The following GRAMD4 variants were observed in gnomAD, a reference collection of about 807,000 sequenced individuals.
GRAMD4 encodes the protein GRAM domain containing 4, also known as GRAM domain-containing protein 4.
In GRAMD4, 25 loss-of-function variants were observed where a neutral mutation model predicts 83.9. The ratio of observed to expected loss-of-function variants is 0.30; its 90% CI spans 0.22 to 0.42. The LOEUF (loss-of-function observed/expected upper bound fraction) is 0.42. GRAMD4 is among the 10% of genes least tolerant of loss of function. The probability of loss-of-function intolerance (pLI) is 1.00; values close to 1 mark genes in which losing one functional copy is unlikely to be tolerated. For synonymous variants in GRAMD4, 336 were observed against 320.9 expected (o/e 1.05, Z -0.50); for missense variants, 593 against 788.7 (o/e 0.75, Z 2.97).
intron 8 of GRAMD4, among the ~76,000 whole-genome samples, chr22:46,664,573 C>T (rs948621841): frequency 5.9e-5 from 9 of 152,316 alleles, no homozygotes; most frequent in African/African-American, 1.2e-4. Flanking sequence ...GCCCACATTG[C>T]CAGGGCCTTG....
chr22:46,616,821 T>C (rs1374830701), upstream of GRAMD4, among the ~76,000 whole-genome samples: 13 of 102,114 alleles, frequency 1.3e-4, no homozygotes, highest in Admixed American at 1.8e-4. Context: ...TAGGTTCCCC[T>C]GTGTGTACGT....
chr22:46,632,514 G>A (rs565188097), intron 2 of GRAMD4, among the ~76,000 whole-genome samples: 67 of 152,196 alleles, frequency 4.4e-4, no homozygotes, highest in Non-Finnish European at 8.2e-4. Context: ...CTGCACCCTT[G>A]GAGTTCTGAG....
At position 46,608,250 on chromosome 22, in the gene GRAMD4, C is replaced by T. The variant is rs375279546; in HGVS notation, c.-49-18501C>T. ...AACATGTGCTTCTCTCATCTTCCATCAGGGCCGCCCGTGCTCTCAGGCCTG... is the reference window on the plus strand; with the variant it reads ...AACATGTGCTTCTCTCATCTTCCATTAGGGCCGCCCGTGCTCTCAGGCCTG... On this transcript the variant is annotated intron_variant, in intron 1 of 1. Coordinates refer to the GRAMD4 transcript ENST00000431155. Among the ~76,000 whole-genome samples, 12 of 152,206 alleles carry T rather than the reference C, an allele frequency of 7.9e-5. 1 individual carries two copies. The East Asian group carries it at 9.6e-4, about 12-fold the overall frequency.
At chr22:46,654,227 C>T (rs535066354) in intron 3 of GRAMD4, among the ~76,000 whole-genome samples, 1 of 152,324 alleles carries the variant, frequency 6.6e-6, no homozygotes, top group East Asian at 1.9e-4. Flanking sequence ...GCTCTCCTGG[C>T]TGTCAGTGGG....
chr22:46,636,499 G>T (rs2081890167), intron 2 of GRAMD4, among the ~76,000 whole-genome samples: 1 of 152,234 alleles, frequency 6.6e-6, no homozygotes, highest in South Asian at 2.1e-4. Context: ...GGTTCCCGAA[G>T]CCAGCGCCTT....
At chr22:46,587,944 G>A (rs2081167382) in intron 1 of GRAMD4, 1 of 985,286 alleles carries the variant, frequency 1.0e-6, no homozygotes, top group African/African-American at 1.7e-5. Context: ...TCACATCACA[G>A]GTTGGCAAAA....
At chr22:46,591,158 G>A (rs1016908112) in intron 1 of GRAMD4, among the ~76,000 whole-genome samples, 2 of 152,228 alleles carry the variant, frequency 1.3e-5, no homozygotes, top group African/African-American at 2.4e-5. Flanking sequence ...CCTCTCAGCC[G>A]CGGGGTCCAG....
intron 2 of GRAMD4, among the ~76,000 whole-genome samples, chr22:46,629,647 C>T (rs1216286124): frequency 1.3e-5 from 2 of 152,174 alleles, no homozygotes; most frequent in Non-Finnish European, 2.9e-5. Flanking sequence ...ACAGCTTAAT[C>T]GAGATATTCC....
chr22:46,642,209 C>T (rs1452918623), intron 3 of GRAMD4, among the ~76,000 whole-genome samples: 1 of 152,234 alleles, frequency 6.6e-6, no homozygotes, highest in Non-Finnish European at 1.5e-5. Flanking sequence ...CCAGGCTCAT[C>T]GCCAGCATTT....
intron 3 of GRAMD4, among the ~76,000 whole-genome samples, chr22:46,646,799 G>T (rs187353211): frequency 6.6e-6 from 1 of 152,212 alleles, no homozygotes; most frequent in African/African-American, 2.4e-5. Flanking sequence ...TGAGACTGGC[G>T]CTTTACAAAC....
At chr22:46,626,429 G>A (rs2081660315) in intron 1 of GRAMD4, among the ~76,000 whole-genome samples, 1 of 152,388 alleles carries the variant, frequency 6.6e-6, no homozygotes, top group South Asian at 2.1e-4. Flanking sequence ...GGGAGCCGGG[G>A]GCCTCGCTTG....
At chr22:46,586,537 T>C (rs1012563713) in intron 1 of GRAMD4, among the ~76,000 whole-genome samples, 1 of 151,644 alleles carries the variant, frequency 6.6e-6, no homozygotes, top group African/African-American at 2.4e-5. Flanking sequence ...ACACACTCCA[T>C]AGGGTTGGGG....
In GRAMD4 at chr22:46,626,927, C is replaced by T. The variant is rs1459388512; in HGVS notation, c.128C>T (p.Thr43Ile). The T allele has an allele frequency of 1.2e-6, 2 of 1,614,014 alleles. No individual in the cohort carries two copies. The highest frequency in any genetic ancestry group is 2.7e-5 in the African/African-American group (2 of 74,930). ...GAAATCCCCCTGAAGGTACCGCGGA[C>T]CTCGCCCCGGGACAGCGAGGAGCTG... ...SDEIPLKVPR[T>I]SPRDSEELRD... Residue 43 changes from threonine to isoleucine, a missense_variant, in exon 2 of 19, where the codon ACC becomes ATC. Coordinates refer to ENST00000406902, the MANE Select transcript of GRAMD4 (RefSeq NM_015124.5).
At chr22:46,634,460 G>A (rs774964150) in intron 2 of GRAMD4, among the ~76,000 whole-genome samples, 2 of 152,228 alleles carry the variant, frequency 1.3e-5, no homozygotes, top group Admixed American at 6.5e-5. Flanking sequence ...GGCAGAGGGC[G>A]TGCCCAGCTG....
intron 14 of GRAMD4, 136 bp from the exon 15 acceptor site, chr22:46,673,534 T>G: frequency 9.1e-7 from 1 of 1,103,794 alleles, no homozygotes; most frequent in Non-Finnish European, 1.3e-6. Flanking sequence ...GGAGCCGCTC[T>G]GGGCCGGAAG....
chr22:46,628,431 T>C (rs1049311075), intron 2 of GRAMD4, among the ~76,000 whole-genome samples: 2 of 146,410 alleles, frequency 1.4e-5, no homozygotes, highest in Non-Finnish European at 3.0e-5. Context: ...GCGTGGTGTC[T>C]GAGGGGCGGG....
chr22:46,637,292 G>A (rs559938565), intron 2 of GRAMD4, among the ~76,000 whole-genome samples: 159 of 146,848 alleles, frequency 1.1e-3, no homozygotes, highest in African/African-American at 3.5e-3. Flanking sequence ...TCGCTCTGTC[G>A]CCCAGGCTGG....
rs71192425 is a variant in GRAMD4, at chr22:46,603,515, C to CTTTTTTTTTTTTTTTTTTTT, written c.-49-23217_-49-23216insTTTTTTTTTTTTTTTTTTTT. ...TGAGCCACCGCGCCCGGCCTCTTCTCTTTTTTTTTTTTTTTTTTTGAGATG... is the reference window on the plus strand; with the variant it reads ...TGAGCCACCGCGCCCGGCCTCTTCTCTTTTTTTTTTTTTTTTTTTTTTTTTTTTTTTTTTTTTTTGAGATG... On this transcript the variant is annotated intron_variant, in intron 1 of 1. Transcript: ENST00000431155. 2.2e-4 allele frequency among the ~76,000 whole-genome samples: 18 copies of CTTTTTTTTTTTTTTTTTTTT among 81,584 alleles called. 1 individual carries two copies. Among genetic ancestry groups the CTTTTTTTTTTTTTTTTTTTT allele is most frequent in the African/African-American group, 7.5e-4 (17 of 22,688 alleles). The allele number at this position is 81,584 out of a possible 152,430, so 53.5% of individuals were successfully genotyped here.
chr22:46,592,920 A>G (rs182116377), intron 1 of GRAMD4, among the ~76,000 whole-genome samples: 2 of 152,314 alleles, frequency 1.3e-5, no homozygotes, highest in East Asian at 1.9e-4. Flanking sequence ...ACTTACATGA[A>G]TATTTTGTCC....
Sources: allele counts gnomAD v4.1 joint callset (sites outside exome capture counted in the v4.1 genomes callset), GRCh38; gene constraint gnomAD v4.1.1; transcripts MANE v1.5; gene names NCBI Gene and HGNC (gene_info 2026-07-23, HGNC 2026-07-21).